Variants in GGA3 observed in about 807,000 individuals in gnomAD.
GGA3 encodes the protein ADP-ribosylation factor-binding protein GGA3.
GGA3 carries 57 observed loss-of-function variants against 77.5 expected under a neutral mutation model. That is an observed-to-expected ratio of 0.74 (90% confidence interval 0.59 to 0.92). The LOEUF is 0.92. Ranked by LOEUF, GGA3 falls within the 40% of genes least tolerant of loss-of-function variation. GGA3 has a pLI of 0.00. For synonymous variants in GGA3, 416 were observed against 383.7 expected, an observed-to-expected ratio of 1.08 and a Z score of -0.98; for missense variants, 970 against 914.9, an observed-to-expected ratio of 1.06 and a Z score of -0.78.
rs771495724 is a variant in GGA3, at chr17:75,240,417, C to T, written c.1193-5G>A. 6.3e-7 allele frequency: 1 copy of T among 1,583,722 alleles called. No individual in the cohort carries two copies. Among genetic ancestry groups the T allele is most frequent in the Non-Finnish European group, 8.6e-7 (1 of 1,162,216 alleles). On this transcript the variant is annotated splice_polypyrimidine_tract_variant and splice_region_variant and intron_variant, in intron 11 of 16. Transcript: ENST00000537686. ...TAGGGGCTGGGTCGGCGAGGCCTGACAATAGAGAAGAAAACAGGATGAGAA... is the reference window on the plus strand; with the variant it reads ...TAGGGGCTGGGTCGGCGAGGCCTGATAATAGAGAAGAAAACAGGATGAGAA...
intron 10 of GGA3, 107 bp from the exon 11 acceptor site, chr17:75,241,164 T>G: frequency 7.6e-7 from 1 of 1,308,502 alleles, no homozygotes; most frequent in Admixed American, 1.7e-5. Context: ...GCCTCTGGCC[T>G]AATCCAACGG....
chr17:75,237,901 G>A lies in GGA3; in HGVS notation c.*378C>T. Reference sequence around the variant, plus strand: ...CTCTTGTGGGGAATGACCCATGACAGTCTCTCTTTAGAGACTCCCACCCCC... The same window carrying A: ...CTCTTGTGGGGAATGACCCATGACAATCTCTCTTTAGAGACTCCCACCCCC... On this transcript the variant is annotated 3_prime_UTR_variant, in exon 17 of 17. Transcript: ENST00000537686. The A allele has an allele frequency of 3.0e-6, 4 of 1,343,574 alleles. No individual in the cohort carries two copies. Among genetic ancestry groups the A allele is most frequent in the Non-Finnish European group, 2.9e-6 (3 of 1,049,552 alleles). 83.2% of individuals were successfully genotyped at this position (1,343,574 alleles called of 1,614,324 possible).
chr17:75,247,258 C>A (rs902059256), intron 1 of GGA3, among the ~76,000 whole-genome samples: 3 of 146,844 alleles, frequency 2.0e-5, no homozygotes, highest in African/African-American at 8.2e-5. Context: ...TATTTGTAAC[C>A]ACAAATTTTT....
At chr17:75,262,024 A>G (rs983657394), upstream of GGA3, 9 of 1,597,934 alleles carry the variant, frequency 5.6e-6, no homozygotes, top group Admixed American at 3.3e-5. Flanking sequence ...CGCTGCGAGG[A>G]AGGAAGGGGG....
intron 1 of GGA3, among the ~76,000 whole-genome samples, chr17:75,247,506 C>T (rs915034153): frequency 3.9e-5 from 6 of 152,188 alleles, no homozygotes; most frequent in Admixed American, 2.6e-4. Context: ...AGGTGATCGG[C>T]CCGCCTTGGC....
upstream of GGA3, chr17:75,261,960 G>A (rs759961910): frequency 3.1e-6 from 5 of 1,607,052 alleles, no homozygotes; most frequent in South Asian, 4.4e-5. Context: ...TGGGCGTGCG[G>A]CGGGCTGTCT....
At chr17:75,248,449 C>T (rs1465716965) in intron 1 of GGA3, among the ~76,000 whole-genome samples, 8 of 106,028 alleles carry the variant, frequency 7.5e-5, no homozygotes, top group African/African-American at 1.5e-4. Flanking sequence ...CCAGCCTGGG[C>T]GACAGCGAGA....
intron 1 of GGA3, among the ~76,000 whole-genome samples, chr17:75,257,891 CTA>C (rs1388593545): frequency 1.3e-5 from 2 of 152,296 alleles, no homozygotes; most frequent in African/African-American, 2.4e-5. Flanking sequence ...ATCGCATCCC[CTA>C]TGACTTGCAC....
At position 75,239,086 on chromosome 17, in the gene GGA3, G is replaced by T. The variant is rs774033142; in HGVS notation, c.1781-3C>A. 1 of 1,611,444 alleles carries T rather than the reference G, an allele frequency of 6.2e-7. No individual in the cohort carries two copies. Among genetic ancestry groups the T allele is most frequent in the East Asian group, 2.2e-5 (1 of 44,878 alleles). On this transcript the variant is annotated splice_polypyrimidine_tract_variant and splice_region_variant and intron_variant, in intron 14 of 16. Transcript: ENST00000537686. ...GGCTGTCACAGGAAGGGCACTGCCT[G>T]TAAGAACGTGACGTGAGTGTGGGAG...
chr17:75,258,531 G>C (rs1173995807), intron 1 of GGA3, among the ~76,000 whole-genome samples: 1 of 152,144 alleles, frequency 6.6e-6, no homozygotes, highest in Non-Finnish European at 1.5e-5. Context: ...TGAGCCAGGT[G>C]TAGTGGCACA....
upstream of GGA3, chr17:75,261,613 T>G: frequency 6.5e-7 from 1 of 1,532,834 alleles, no homozygotes; most frequent in Non-Finnish European, 8.8e-7. Flanking sequence ...CCCCGCGGCT[T>G]CAAAACTCGC....
intron 11 of GGA3, 178 bp downstream of exon 11, chr17:75,240,634 C>G: frequency 1.4e-6 from 1 of 738,158 alleles, no homozygotes; most frequent in Non-Finnish European, 2.2e-6. Flanking sequence ...GCAGAGTCCA[C>G]CGGGAGGATG....
At chr17:75,252,287 C>A (rs1007578058) in intron 1 of GGA3, among the ~76,000 whole-genome samples, 5 of 151,870 alleles carry the variant, frequency 3.3e-5, no homozygotes, top group African/African-American at 9.7e-5. Flanking sequence ...CTGCAGTAGG[C>A]GATCATGGCT....
chr17:75,244,511 A>C, intron 4 of GGA3, 108 bp downstream of exon 4: 1 of 770,436 alleles, frequency 1.3e-6, no homozygotes, highest in East Asian at 2.5e-5. Flanking sequence ...GACACAAATA[A>C]TCTCAGCTCC....
At chr17:75,241,806 C>A in intron 8 of GGA3, 110 bp from the exon 9 acceptor site, 1 of 885,792 alleles carries the variant, frequency 1.1e-6, no homozygotes, top group Non-Finnish European at 1.9e-6. Flanking sequence ...TTGCCACGGT[C>A]AATTACCAGC....
In GGA3 at chr17:75,242,847, TTGA is replaced by T; in HGVS notation, c.590_592del (p.Ile197del). Reference sequence around the variant, plus strand: ...CCCACTCACTTCCTTCACCATGGACTTGATGAGCTTGTTGGCCTCCTGCAGGTC... The same window carrying T: ...CCCACTCACTTCCTTCACCATGGACTTGAGCTTGTTGGCCTCCTGCAGGTC... On this transcript the variant is annotated inframe_deletion, in exon 7 of 17. Coordinates refer to ENST00000537686, the MANE Select transcript of GGA3 (RefSeq NM_138619.4). 6.2e-7 allele frequency: 1 copy of T among 1,613,814 alleles called. No individual in the cohort carries two copies. The highest frequency in any genetic ancestry group is 8.5e-7 in the Non-Finnish European group (1 of 1,179,678).
At chr17:75,261,694 G>A (rs1452106789), upstream of GGA3, 1 of 1,233,390 alleles carries the variant, frequency 8.1e-7, no homozygotes, top group Non-Finnish European at 1.1e-6. Flanking sequence ...CCGTCACCGA[G>A]GGCCGCGCCA....
chr17:75,238,416 C>T, intron 16 of GGA3, 27 bp from the exon 17 acceptor site: 2 of 1,596,170 alleles, frequency 1.3e-6, no homozygotes, highest in African/African-American at 1.3e-5. Context: ...CAAGTGAGAT[C>T]CAGCCCAGGC....
At chr17:75,261,924 TG>T (rs762466585), upstream of GGA3, 1 of 1,609,134 alleles carries the variant, frequency 6.2e-7, no homozygotes, top group Non-Finnish European at 8.5e-7. Flanking sequence ...CAGTGAAGGT[TG>T]CCCGAGGATG....
Sources: allele counts gnomAD v4.1 joint callset (sites outside exome capture counted in the v4.1 genomes callset), GRCh38; gene constraint gnomAD v4.1.1; transcripts MANE v1.5; gene names NCBI Gene and HGNC (gene_info 2026-07-23, HGNC 2026-07-21).